POM121: variants seen among roughly 807,000 people sequenced by gnomAD.
The protein encoded by POM121 is POM121 transmembrane nucleoporin.
In POM121, 32 loss-of-function variants were observed where a neutral mutation model predicts 81.3. That is an observed-to-expected ratio of 0.39 (90% CI 0.30 to 0.53). POM121 has a LOEUF of 0.53. Among genes scored for constraint, POM121 ranks in the 20% least tolerant of loss-of-function variants. The probability of loss-of-function intolerance (pLI) is 0.66; values close to 1 mark genes in which losing one functional copy is unlikely to be tolerated. For missense variants in POM121, 1,138 were observed against 1,614.6 expected (o/e 0.70, Z 5.06); for synonymous variants, 514 against 694.2 (o/e 0.74, Z 4.08).
chr7:72,885,867 T>G (rs1554489964), intron 1 of POM121, among the ~76,000 whole-genome samples: 2 of 151,588 alleles, frequency 1.3e-5, no homozygotes, highest in Non-Finnish European at 2.9e-5. Context: ...CTGTTTGTCT[T>G]CCTTCCTTTT....
intron 3 of POM121, 69 bp downstream of exon 3, chr7:72,927,032 C>A: frequency 1.2e-6 from 2 of 1,610,388 alleles, no homozygotes; most frequent in South Asian, 2.2e-5. Context: ...TGTAGACATT[C>A]CCATATAGAT....
intron 4 of POM121, among the ~76,000 whole-genome samples, chr7:72,928,906 A>T (rs1452978242): frequency 3.9e-5 from 6 of 152,186 alleles, no homozygotes; most frequent in African/African-American, 1.4e-4. Flanking sequence ...CAGCAGTGTG[A>T]TGTGGCCGCC....
At chr7:72,890,654 G>A in exon 2 of POM121, 1 of 1,601,466 alleles carries the variant, frequency 6.2e-7, no homozygotes, top group Non-Finnish European at 8.5e-7. Flanking sequence ...AGATGTGGCT[G>A]TGGATTTCAC....
downstream of POM121, chr7:72,948,931 A>T: frequency 6.2e-7 from 1 of 1,612,606 alleles, no homozygotes; most frequent in African/African-American, 1.3e-5. Context: ...ATCTTGTACC[A>T]TGTCTTCATT....
Position 72,912,703 on chromosome 7 carries a change from C to T in POM121, c.-215-1062C>T, listed in dbSNP as rs185541770. On this transcript the variant is annotated intron_variant, in intron 3 of 15. Coordinates refer to the POM121 transcript ENST00000395270. ...CTGAGGCAGGGGAATCGCTTGAACC[C>T]GGGAGGCAGAGGTTGCAGTGAGCCG... is the stretch of plus-strand genomic sequence containing the variant. Among the ~76,000 whole-genome samples, 360 of 152,190 alleles carry T rather than the reference C, an allele frequency of 2.4e-3. 2 individuals carry two copies. The highest frequency in any genetic ancestry group is 7.4e-3 in the African/African-American group (308 of 41,494).
At chr7:72,934,093 T>C (rs1796280277) in intron 5 of POM121, among the ~76,000 whole-genome samples, 1 of 151,814 alleles carries the variant, frequency 6.6e-6, no homozygotes, top group Admixed American at 6.6e-5. Flanking sequence ...TTTTTTTTTT[T>C]CTTTCTTTTG....
At chr7:72,907,592 C>T (rs1258580317) in intron 3 of POM121, among the ~76,000 whole-genome samples, 1 of 151,946 alleles carries the variant, frequency 6.6e-6, no homozygotes, top group African/African-American at 2.4e-5. Context: ...CTCACTGCAA[C>T]CTCCACCTCC....
upstream of POM121, among the ~76,000 whole-genome samples, chr7:72,920,544 C>T (rs1465040187): frequency 4.2e-4 from 64 of 151,830 alleles, no homozygotes; most frequent in Non-Finnish European, 7.1e-4. Context: ...TTAGTAGAGA[C>T]GGGGTTTCAC....
downstream of POM121, chr7:72,949,283 T>C: frequency 1.2e-6 from 1 of 839,194 alleles, no homozygotes; most frequent in South Asian, 1.3e-5. Context: ...GACCTCTGAG[T>C]CCCTCAGCCA....
chr7:72,879,624 G>T (rs1180392520), exon 1 of POM121: 5 of 314,540 alleles, frequency 1.6e-5, no homozygotes, highest in Non-Finnish European at 3.1e-5. Flanking sequence ...GGGGCGACGG[G>T]ACCTGGGCCT....
intron 3 of POM121, among the ~76,000 whole-genome samples, chr7:72,910,374 T>C (rs1554494063): frequency 6.6e-6 from 1 of 152,118 alleles, no homozygotes; most frequent in African/African-American, 2.4e-5. Context: ...GTAACAGAAA[T>C]GTACACGACG....
At chr7:72,926,155 A>G (rs1158176657) in intron 1 of POM121, 107 bp from the exon 2 acceptor site, 40 of 1,182,284 alleles carry the variant, frequency 3.4e-5, no homozygotes, top group Non-Finnish European at 4.3e-5. Flanking sequence ...GCTTAGAAAG[A>G]GACTTAAGTT....
chr7:72,949,307 T>C (rs1554504251), downstream of POM121: 2 of 818,572 alleles, frequency 2.4e-6, no homozygotes, highest in Non-Finnish European at 4.4e-6. Flanking sequence ...CTTCTCACCA[T>C]CTCACCCGAG....
upstream of POM121, chr7:72,924,672 C>T (rs782453460): frequency 1.8e-4 from 30 of 164,454 alleles, no homozygotes; most frequent in Non-Finnish European, 3.3e-4. Flanking sequence ...CACCCGATAT[C>T]TGGGCCATGA....
At chr7:72,912,832 G>A (rs1349695091) in intron 3 of POM121, among the ~76,000 whole-genome samples, 2 of 152,170 alleles carry the variant, frequency 1.3e-5, no homozygotes, top group African/African-American at 2.4e-5. Flanking sequence ...TCCCGCAGAA[G>A]CAGAATGAGC....
chr7:72,884,493 ATATTTGATAG>A (rs1790484535), intron 1 of POM121, among the ~76,000 whole-genome samples: 4 of 37,146 alleles, frequency 1.1e-4, no homozygotes. Flanking sequence ...CATATAATAT[ATATTTGATAG>A]CAAATATATA....
intron 1 of POM121, among the ~76,000 whole-genome samples, chr7:72,882,881 T>A (rs1554489507): frequency 6.6e-6 from 1 of 152,198 alleles, no homozygotes; most frequent in African/African-American, 2.4e-5. Flanking sequence ...CCAGCGGGCA[T>A]TTCCTAGCCC....
In POM121 at chr7:72,912,504, T is replaced by C. The variant is rs1205056305; in HGVS notation, c.-215-1261T>C. 5.3e-5 allele frequency among the ~76,000 whole-genome samples: 8 copies of C among 152,042 alleles called. 1 individual carries two copies. Among genetic ancestry groups the C allele is most frequent in the African/African-American group, 1.9e-4 (8 of 41,496 alleles). ...GATAAGTGGGTTTTCTGGCCGGGCGTGGTGGCTCACACCTGTAATCCTAGC... is the reference window on the plus strand; with the variant it reads ...GATAAGTGGGTTTTCTGGCCGGGCGCGGTGGCTCACACCTGTAATCCTAGC... On this transcript the variant is annotated intron_variant, in intron 3 of 15. Transcript: ENST00000395270.
At chr7:72,945,311 C>T (rs1225162781) in intron 11 of POM121, among the ~76,000 whole-genome samples, 2 of 152,116 alleles carry the variant, frequency 1.3e-5, no homozygotes, top group African/African-American at 4.8e-5. Flanking sequence ...CCCTCTGCAG[C>T]GATGGTCAGG....
Sources: gnomAD v4.1 joint callset for allele counts (sites outside exome capture counted in the v4.1 genomes callset) on GRCh38, gnomAD v4.1.1 for gene constraint, MANE v1.5 for transcripts, NCBI Gene and HGNC (gene_info 2026-07-23, HGNC 2026-07-21) for gene names.